Variants in PLEKHA7 observed in about 807,000 individuals in gnomAD.
PLEKHA7 encodes the protein pleckstrin homology domain containing A7, also known as pleckstrin homology domain-containing family A member 7.
A neutral mutation model predicts 170.0 loss-of-function variants in PLEKHA7; 104 were observed. The observed-to-expected ratio is 0.61, with a 90% confidence interval of 0.52 to 0.72. The LOEUF (loss-of-function observed/expected upper bound fraction) is 0.72, where lower values mean the gene tolerates loss of function less well. PLEKHA7 is among the 30% of genes least tolerant of loss of function. The pLI is 0.00. For missense variants in PLEKHA7, 1,615 were observed against 1,671.7 expected, an observed-to-expected ratio of 0.97 and a Z score of 0.59; for synonymous variants, 648 against 660.8, an observed-to-expected ratio of 0.98 and a Z score of 0.30.
intron 26 of PLEKHA7, among the ~76,000 whole-genome samples, chr11:16,781,495 T>A (rs1432741400): frequency 1.3e-5 from 2 of 152,056 alleles, no homozygotes; most frequent in East Asian, 3.9e-4. Flanking sequence ...GCTCAAAAGC[T>A]GCTAAGATGA....
chr11:16,945,417 T>C (rs1590686258), intron 3 of PLEKHA7, among the ~76,000 whole-genome samples: 2 of 152,232 alleles, frequency 1.3e-5, no homozygotes, highest in African/African-American at 4.8e-5. Context: ...GTCTCTCCTC[T>C]GTGATTTCAC....
At chr11:16,841,491 G>A in intron 9 of PLEKHA7, 56 bp downstream of exon 9, 1 of 1,563,954 alleles carries the variant, frequency 6.4e-7, no homozygotes. Flanking sequence ...GGACCTATCT[G>A]GGTCCCAATC....
At chr11:16,917,284 T>C (rs745929896) in intron 3 of PLEKHA7, among the ~76,000 whole-genome samples, 4 of 152,338 alleles carry the variant, frequency 2.6e-5, no homozygotes, top group African/African-American at 9.6e-5. Flanking sequence ...TGAGAGCTGC[T>C]TGAAGGCAGA....
intron 3 of PLEKHA7, among the ~76,000 whole-genome samples, chr11:16,900,854 T>A (rs200763960): frequency 1.3e-4 from 19 of 151,786 alleles, no homozygotes; most frequent in East Asian, 1.9e-4. Context: ...TTTTTTATTT[T>A]TTTTTTTTTT....
chr11:16,995,736 T>A (rs189502647), intron 3 of PLEKHA7, among the ~76,000 whole-genome samples: 48 of 152,304 alleles, frequency 3.2e-4, no homozygotes, highest in Admixed American at 2.5e-3. Context: ...TTTTTCTTCC[T>A]CTGCCCAGAG....
chr11:16,852,577 A>G (rs1009760473), intron 6 of PLEKHA7, among the ~76,000 whole-genome samples: 1 of 152,220 alleles, frequency 6.6e-6, no homozygotes, highest in Non-Finnish European at 1.5e-5. Context: ...TGTCTCCTAG[A>G]AGCAAATTAA....
At chr11:16,827,150 A>G (rs981331114) in intron 9 of PLEKHA7, among the ~76,000 whole-genome samples, 21 of 152,332 alleles carry the variant, frequency 1.4e-4, no homozygotes, top group African/African-American at 4.8e-4. Flanking sequence ...GATCCCTCCC[A>G]CTGGTGTCTA....
At chr11:16,976,942 C>T (rs1469402117) in intron 3 of PLEKHA7, among the ~76,000 whole-genome samples, 2 of 152,172 alleles carry the variant, frequency 1.3e-5, no homozygotes, top group Admixed American at 1.3e-4. Flanking sequence ...GAGCACCTGG[C>T]AGTGTGCAGT....
intron 3 of PLEKHA7, among the ~76,000 whole-genome samples, chr11:16,903,769 T>C (rs78508852): frequency 0.016 from 2,381 of 152,338 alleles, 60 homozygotes; most frequent in African/African-American, 0.054. Context: ...TATTTGCCCA[T>C]TCAATTCCAA....
intron 3 of PLEKHA7, among the ~76,000 whole-genome samples, chr11:16,987,877 T>C (rs1182073606): frequency 6.6e-6 from 1 of 152,192 alleles, no homozygotes; most frequent in Admixed American, 6.5e-5. Context: ...GATAACATAT[T>C]TCAGAGAGCT....
At chr11:16,814,323 A>G (rs1475078637) in intron 12 of PLEKHA7, among the ~76,000 whole-genome samples, 1 of 152,204 alleles carries the variant, frequency 6.6e-6, no homozygotes, top group Non-Finnish European at 1.5e-5. Context: ...TTCTGAATAC[A>G]TTTCCTAAAT....
intron 9 of PLEKHA7, 35 bp downstream of exon 9, chr11:16,841,512 A>C (rs190240347): frequency 2.4e-5 from 39 of 1,598,270 alleles, no homozygotes; most frequent in Non-Finnish European, 3.0e-5. Context: ...CTAGTGTAGG[A>C]GGTGCTGTGG....
intron 24 of PLEKHA7, 57 bp downstream of exon 24, chr11:16,786,172 G>T (rs1849378523): frequency 3.3e-6 from 5 of 1,523,280 alleles, no homozygotes; most frequent in Non-Finnish European, 4.4e-6. Flanking sequence ...GGTGGATCAG[G>T]CTGGGAACTT....
chr11:16,806,981 C>CA (rs1325991380), intron 13 of PLEKHA7, among the ~76,000 whole-genome samples: 12 of 152,304 alleles, frequency 7.9e-5, no homozygotes, highest in African/African-American at 2.6e-4. Context: ...GTGCATCAGC[C>CA]AAAATGCTGA....
chr11:17,001,862 A>C (rs1864683546), intron 3 of PLEKHA7, among the ~76,000 whole-genome samples: 1 of 152,224 alleles, frequency 6.6e-6, no homozygotes, highest in Admixed American at 6.5e-5. Context: ...CCAAGCTGTG[A>C]GACCTCAAGA....
In PLEKHA7 at chr11:17,008,503, C is replaced by T. The variant is rs75980502; in HGVS notation, c.221+5486G>A. On this transcript the variant is annotated intron_variant, in intron 3 of 26. Transcript: ENST00000531066. ...CCAGCCTTGACAGGCCTGTTCCTGG[C>T]TGTTGAGCTTCTCTCACCTTGCTTA... is the stretch of plus-strand genomic sequence containing the variant. 8.5e-5 allele frequency among the ~76,000 whole-genome samples: 13 copies of T among 152,346 alleles called. No individual in the cohort carries two copies. The East Asian group carries it at 2.5e-3, about 29-fold the overall frequency.
chr11:16,840,686 G>A (rs1403833953), intron 9 of PLEKHA7, among the ~76,000 whole-genome samples: 3 of 152,208 alleles, frequency 2.0e-5, no homozygotes. Flanking sequence ...TGCTATGGGA[G>A]CTCCAGAGAG....
chr11:16,799,840 C>T (rs541693537), intron 17 of PLEKHA7, among the ~76,000 whole-genome samples: 49 of 152,238 alleles, frequency 3.2e-4, no homozygotes, highest in African/African-American at 1.1e-3. Flanking sequence ...GTAGACCAGC[C>T]CTGAGCCACA....
Position 16,795,768 on chromosome 11 carries a change from A to G in PLEKHA7, c.2410-750T>C, listed in dbSNP as rs149682146. On this transcript the variant is annotated intron_variant, in intron 17 of 26. Transcript: ENST00000531066. Reference sequence around the variant, plus strand: ...CATATCACTGCACTCCAGCCTGGGCAAAAGAGTGAGACCCTGTCTCAACAA... The same window carrying G: ...CATATCACTGCACTCCAGCCTGGGCGAAAGAGTGAGACCCTGTCTCAACAA... 7.5e-4 allele frequency among the ~76,000 whole-genome samples: 114 copies of G among 151,666 alleles called. No homozygotes were observed. In the East Asian group the frequency reaches 0.021, roughly 28 times the overall value.
Sources: allele counts gnomAD v4.1 joint callset (sites outside exome capture counted in the v4.1 genomes callset), GRCh38; gene constraint gnomAD v4.1.1; transcripts MANE v1.5; gene names NCBI Gene and HGNC (gene_info 2026-07-23, HGNC 2026-07-21).